Variants in GDPD5 observed in about 807,000 individuals in gnomAD.
GDPD5 encodes glycerophosphodiester phosphodiesterase domain containing 5, also known as glycerophosphodiester phosphodiesterase 2.
Under a neutral mutation model 75.1 loss-of-function variants are expected in GDPD5, and 48 were observed. The observed-to-expected ratio is 0.64, with a 90% CI of 0.51 to 0.81. The LOEUF (loss-of-function observed/expected upper bound fraction) is 0.81. GDPD5 is among the 40% of genes least tolerant of loss of function. The pLI is 0.00. For synonymous variants in GDPD5, 336 were observed against 339.0 expected (o/e 0.99, Z 0.10); for missense variants, 706 against 822.6 (o/e 0.86, Z 1.73).
chr11:75,441,452 G>A (rs771630581), intron 13 of GDPD5, 142 bp from the exon 14 acceptor site: 50 of 1,244,360 alleles, frequency 4.0e-5, no homozygotes, highest in Admixed American at 6.3e-5. Flanking sequence ...GCCAAGCTCC[G>A]GGACAAGCCC....
At chr11:75,510,008 C>T (rs1222775102) in intron 1 of GDPD5, among the ~76,000 whole-genome samples, 1 of 152,240 alleles carries the variant, frequency 6.6e-6, no homozygotes. Flanking sequence ...GGAAGCAGAG[C>T]TCCCTCCCCG....
intron 6 of GDPD5, 163 bp downstream of exon 6, chr11:75,456,594 G>A (rs1235214636): frequency 1.6e-6 from 1 of 642,858 alleles, no homozygotes; most frequent in Non-Finnish European, 2.8e-6. Flanking sequence ...GACGGGTGAG[G>A]TTGTGAGAAA....
At chr11:75,454,618 C>CT (rs1354133507) in intron 6 of GDPD5, among the ~76,000 whole-genome samples, 3 of 152,184 alleles carry the variant, frequency 2.0e-5, no homozygotes, top group African/African-American at 7.2e-5. Flanking sequence ...GGAGCAGGAG[C>CT]AAGGGATGGA....
At chr11:75,505,598 C>A (rs768781527) in intron 1 of GDPD5, among the ~76,000 whole-genome samples, 3 of 152,266 alleles carry the variant, frequency 2.0e-5, no homozygotes, top group Admixed American at 6.5e-5. Flanking sequence ...GCACCAGAGA[C>A]CTGCAGAGAG....
chr11:75,445,761 T>C (rs1948970474), intron 9 of GDPD5, among the ~76,000 whole-genome samples: 1 of 151,752 alleles, frequency 6.6e-6, no homozygotes, highest in Admixed American at 6.6e-5. Flanking sequence ...AGCCAGGGAG[T>C]GGTGAGGGCT....
intron 8 of GDPD5, 117 bp downstream of exon 8, chr11:75,449,400 G>A: frequency 1.0e-6 from 1 of 962,764 alleles, no homozygotes; most frequent in Non-Finnish European, 1.6e-6. Flanking sequence ...CTCACTGAGT[G>A]CAGGGGCCCC....
intron 1 of GDPD5, among the ~76,000 whole-genome samples, chr11:75,505,745 A>C (rs1407078526): frequency 6.6e-6 from 1 of 152,178 alleles, no homozygotes; most frequent in Admixed American, 6.5e-5. Context: ...TTCAAACTTA[A>C]CCAACATGTG....
intron 1 of GDPD5, among the ~76,000 whole-genome samples, chr11:75,514,056 G>C (rs1377054295): frequency 6.6e-6 from 1 of 152,278 alleles, no homozygotes; most frequent in Non-Finnish European, 1.5e-5. Context: ...TCCAAGGAGA[G>C]ACTCAAACAT....
At position 75,440,375 on chromosome 11, in the gene GDPD5, A is replaced by G. The variant is rs147497722; in HGVS notation, c.1474-414T>C. On this transcript the variant is annotated intron_variant, in intron 14 of 16. Coordinates refer to ENST00000336898, the MANE Select transcript of GDPD5 (RefSeq NM_030792.8). ...TGCCTTCCCTTCACCCTCCTCTCCC[A>G]TAGAACCATCCACAGCTTAGGTCTG... is the stretch of plus-strand genomic sequence containing the variant. Among the ~76,000 whole-genome samples, 460 of 152,150 alleles carry G rather than the reference A, an allele frequency of 3.0e-3. 3 individuals carry two copies. Among genetic ancestry groups the G allele is most frequent in the African/African-American group, 0.011 (440 of 41,504 alleles).
Position 75,491,395 on chromosome 11 carries a change from CTAAACTT to C in GDPD5, c.-144-1082_-144-1076del, listed in dbSNP as rs569877196. ...TATAAATAGACCAGTGGCTTCTCCT[CTAAACTT>C]TAATGTTTGAGAAGCCATGGTCTCT... On this transcript the variant is annotated intron_variant, in intron 1 of 16. Transcript: ENST00000336898. Among the ~76,000 whole-genome samples the C allele has an allele frequency of 4.2e-3, 637 of 152,370 alleles. 2 individuals carry two copies. The highest frequency in any genetic ancestry group is 0.014 in the African/African-American group (581 of 41,584).
intron 8 of GDPD5, 40 bp from the exon 9 acceptor site, chr11:75,449,162 G>T: frequency 6.5e-7 from 1 of 1,542,096 alleles, no homozygotes; most frequent in South Asian, 1.2e-5. Flanking sequence ...GGTGAGCCCT[G>T]GGCAGGTTGG....
intron 15 of GDPD5, chr11:75,438,276 T>G (rs1418225542): frequency 6.6e-6 from 1 of 152,294 alleles, no homozygotes; most frequent in Non-Finnish European, 1.5e-5. Flanking sequence ...AGTGAATGAA[T>G]GGAAGAATAA....
Position 75,439,939 on chromosome 11 carries a change from A to G in GDPD5, c.1496T>C (p.Met499Thr), listed in dbSNP as rs755096537. ...WIMPPDEYCL[M>T]WVTADLVSFT... is the part of the protein sequence containing the mutation. Reference sequence around the variant, plus strand: ...GGAGACCAGGTCGGCAGTGACCCACATGAGACAGTACTCGTCCGGGGGCTG... The same window carrying G: ...GGAGACCAGGTCGGCAGTGACCCACGTGAGACAGTACTCGTCCGGGGGCTG... Residue 499 changes from methionine (M) to threonine (T), a missense_variant, in exon 15 of 17, where the codon ATG becomes ACG. Physicochemically the swap from Met to Thr is moderately conservative, Grantham distance 81. Transcript: ENST00000336898. The G allele has an allele frequency of 3.7e-6, 6 of 1,613,944 alleles. No homozygotes were observed. The highest frequency in any genetic ancestry group is 4.5e-5 in the East Asian group (2 of 44,874).
intron 1 of GDPD5, 57 bp downstream of exon 1, chr11:75,525,153 C>A (rs1941620220): frequency 6.6e-6 from 1 of 152,394 alleles, no homozygotes; most frequent in Non-Finnish European, 1.5e-5. Flanking sequence ...TCCGCTGGCC[C>A]CCGCGCTGCC....
intron 1 of GDPD5, among the ~76,000 whole-genome samples, chr11:75,498,094 G>T (rs1165640309): frequency 6.6e-6 from 1 of 150,950 alleles, no homozygotes; most frequent in Admixed American, 6.6e-5. Context: ...TGGGGGGCTG[G>T]TGGAGGGGGG....
At chr11:75,460,739 C>G (rs1949392948) in intron 4 of GDPD5, among the ~76,000 whole-genome samples, 2 of 152,084 alleles carry the variant, frequency 1.3e-5, no homozygotes, top group African/African-American at 4.8e-5. Flanking sequence ...AGTCATTGTG[C>G]CCGGTCCCCA....
Position 75,443,271 on chromosome 11 carries a change from G to A in GDPD5, c.813C>T (p.Pro271=), listed in dbSNP as rs777523138. Residue 271 remains proline, a synonymous_variant, in exon 11 of 17, where the codon CCC becomes CCT. Transcript: ENST00000336898. ...GCAGGGTGGTGTCATGCATGAGGAA[G>A]GGCACGCCGTCCAGGCTGCAGGGAG... The part of the protein sequence containing the change: ...ADITISLDGV[P]FLMHDTTLRR... The A allele has an allele frequency of 4.3e-6, 7 of 1,609,734 alleles. No homozygotes were observed. In the East Asian group the frequency reaches 1.3e-4, roughly 31 times the overall value.
intron 1 of GDPD5, among the ~76,000 whole-genome samples, chr11:75,516,701 AG>A (rs2135502410): frequency 6.6e-6 from 1 of 152,318 alleles, no homozygotes; most frequent in African/African-American, 2.4e-5. Context: ...AGTTTACGGT[AG>A]GCACTGTGCT....
At chr11:75,500,913 T>G (rs115439699) in intron 1 of GDPD5, among the ~76,000 whole-genome samples, 15 of 152,094 alleles carry the variant, frequency 9.9e-5, no homozygotes, top group Non-Finnish European at 1.6e-4. Flanking sequence ...ACTCCTCCTG[T>G]AGGAAGCCCT....
Sources: gnomAD v4.1 joint callset for allele counts (sites outside exome capture counted in the v4.1 genomes callset) on GRCh38, gnomAD v4.1.1 for gene constraint, MANE v1.5 for transcripts, NCBI Gene and HGNC (gene_info 2026-07-23, HGNC 2026-07-21) for gene names.